GRM3: variants seen among roughly 807,000 people sequenced by gnomAD.
The protein encoded by GRM3 is glutamate metabotropic receptor 3, also known as metabotropic glutamate receptor 3.
A neutral mutation model predicts 70.5 loss-of-function variants in GRM3; 26 were observed. The observed-to-expected ratio is 0.37, with a 90% CI of 0.27 to 0.51. The LOEUF is 0.51. GRM3 is among the 20% of genes least tolerant of loss of function. The pLI is 0.93. For missense variants in GRM3, 859 were observed against 1,123.8 expected (o/e 0.76, Z 3.37); for synonymous variants, 443 against 434.9 (o/e 1.02, Z -0.23).
chr7:86,696,808 T>C (rs762400231), intron 1 of GRM3, among the ~76,000 whole-genome samples: 37 of 152,162 alleles, frequency 2.4e-4, no homozygotes, highest in Non-Finnish European at 4.9e-4. Context: ...TTCCCAACTC[T>C]GTGCTATGAG....
rs115120839 is a variant in GRM3, at chr7:86,670,544, C to A, written c.-141+25672C>A. The stretch of plus-strand genomic sequence containing the variant: ...TCCAATTGGTTCCATTTCCAAATGG[C>A]ATTTTGAATCCACTCCTCTTTTCAA... On this transcript the variant is annotated intron_variant, in intron 1 of 5. Transcript: ENST00000361669. Among the ~76,000 whole-genome samples the A allele has an allele frequency of 2.9e-3, 439 of 152,278 alleles. 3 individuals are homozygous for A. The highest frequency in any genetic ancestry group is 0.01 in the African/African-American group (425 of 41,558).
intron 2 of GRM3, 95 bp downstream of exon 2, chr7:86,765,708 G>A (rs1276602810): frequency 3.1e-5 from 29 of 938,446 alleles, no homozygotes; most frequent in East Asian, 1.6e-4. Flanking sequence ...CGTCATCAAC[G>A]GATTATATCA....
At chr7:86,780,562 C>T (rs1034047129) in intron 2 of GRM3, among the ~76,000 whole-genome samples, 1 of 152,158 alleles carries the variant, frequency 6.6e-6, no homozygotes, top group Non-Finnish European at 1.5e-5. Context: ...GTACATGCTA[C>T]ACATGGAAAG....
intron 5 of GRM3, among the ~76,000 whole-genome samples, chr7:86,852,690 C>A (rs1168579736): frequency 6.6e-6 from 1 of 152,084 alleles, no homozygotes; most frequent in Admixed American, 6.6e-5. Context: ...TACCATGTAA[C>A]AAAGTGAAGA....
chr7:86,848,560 A>G (rs1435093549), intron 4 of GRM3, among the ~76,000 whole-genome samples: 1 of 151,892 alleles, frequency 6.6e-6, no homozygotes, highest in East Asian at 1.9e-4. Context: ...GGAGATCTCT[A>G]TTTTGATTTG....
intron 3 of GRM3, among the ~76,000 whole-genome samples, chr7:86,827,992 G>A (rs1331615455): frequency 6.6e-6 from 1 of 151,722 alleles, no homozygotes; most frequent in Non-Finnish European, 1.5e-5. Flanking sequence ...GGCACCTGTA[G>A]TCCCAGGTAC....
intron 3 of GRM3, among the ~76,000 whole-genome samples, chr7:86,822,419 T>TACA (rs142538200): frequency 0.059 from 8,987 of 152,078 alleles, 371 homozygotes; most frequent in African/African-American, 0.11. Flanking sequence ...TCAGCTGAGA[T>TACA]ACAAGGGCAA....
At chr7:86,650,226 GCC>G (rs1793571578) in intron 1 of GRM3, among the ~76,000 whole-genome samples, 1 of 152,066 alleles carries the variant, frequency 6.6e-6, no homozygotes, top group Non-Finnish European at 1.5e-5. Context: ...GGAGATGGAG[GCC>G]CAGCAAGATA....
intron 2 of GRM3, among the ~76,000 whole-genome samples, chr7:86,773,528 C>T (rs1192682138): frequency 6.6e-6 from 1 of 152,042 alleles, no homozygotes; most frequent in Non-Finnish European, 1.5e-5. Flanking sequence ...CAACCACCCC[C>T]TCACATAGTC....
chr7:86,786,753 A>C lies in GRM3; in HGVS notation c.961A>C (p.Ile321Leu), dbSNP rs1468732372. 1.9e-6 allele frequency: 3 copies of C among 1,613,770 alleles called. No individual in the cohort carries two copies. In the African/African-American group the frequency reaches 4.0e-5, roughly 22 times the overall value. Residue 321 changes from isoleucine to leucine, a missense_variant, in exon 3 of 6, where the codon ATC becomes CTC. Ile to Leu is a conservative substitution (Grantham distance 5). Coordinates refer to ENST00000361669, the MANE Select transcript of GRM3 (RefSeq NM_000840.3). The surrounding 1 kb of genome is among the most constrained non-coding windows in gnomAD (Gnocchi z 6.0). ...CAGCGAGCATGTGGCCTACGGCGCCATCACCCTGGAGCTGGCCTCCCAGCC... is the reference window on the plus strand; with the variant it reads ...CAGCGAGCATGTGGCCTACGGCGCCCTCACCCTGGAGCTGGCCTCCCAGCC... ...KGSEHVAYGA[I>L]TLELASQPVR... is the part of the protein sequence containing the mutation.
intron 1 of GRM3, among the ~76,000 whole-genome samples, chr7:86,751,797 C>T (rs1287700069): frequency 6.6e-6 from 1 of 152,140 alleles, no homozygotes; most frequent in Non-Finnish European, 1.5e-5. Context: ...CCATCACTCA[C>T]TTGCAGTGAG....
At chr7:86,745,650 G>A (rs773476139) in intron 1 of GRM3, among the ~76,000 whole-genome samples, 48 of 152,190 alleles carry the variant, frequency 3.2e-4, no homozygotes, top group Admixed American at 5.9e-4. Flanking sequence ...GGCTTTTGGA[G>A]TGGAAAAATT....
intron 1 of GRM3, among the ~76,000 whole-genome samples, chr7:86,666,267 T>G (rs940159537): frequency 1.3e-5 from 2 of 152,006 alleles, no homozygotes; most frequent in African/African-American, 4.8e-5. Context: ...CTTTTCTCAA[T>G]ATTAACTTCG....
intron 3 of GRM3, among the ~76,000 whole-genome samples, chr7:86,827,005 A>G (rs1490587615): frequency 1.3e-5 from 2 of 152,258 alleles, no homozygotes; most frequent in Non-Finnish European, 2.9e-5. Flanking sequence ...CAATGTGTCC[A>G]GTGTTCCTTA....
At chr7:86,858,565 C>T (rs1389848049) in intron 5 of GRM3, among the ~76,000 whole-genome samples, 6 of 152,274 alleles carry the variant, frequency 3.9e-5, no homozygotes, top group South Asian at 4.1e-4. Context: ...CCTCACCAGA[C>T]GCCCAGTGCC....
rs146355187 is a variant in GRM3, at chr7:86,826,011, A to T, written c.1325-12828A>T. Among the ~76,000 whole-genome samples, 777 of 152,294 alleles carry T rather than the reference A, an allele frequency of 5.1e-3. 9 individuals are homozygous for T. The highest frequency in any genetic ancestry group is 0.034 in the Middle Eastern group (10 of 294). On this transcript the variant is annotated intron_variant, in intron 3 of 5. Coordinates refer to ENST00000361669, the MANE Select transcript of GRM3 (RefSeq NM_000840.3). ...AACAATGGGATGTTTATGCCTTTTT[A>T]AAAAAGTCATGGATATGCATTTCTA...
At chr7:86,706,015 T>C (rs913861410) in intron 1 of GRM3, among the ~76,000 whole-genome samples, 14 of 89,388 alleles carry the variant, frequency 1.6e-4, no homozygotes, top group African/African-American at 8.6e-4. Context: ...CTGTCTAGGA[T>C]GATAAAACTT....
At chr7:86,858,117 C>T (rs865970685) in intron 5 of GRM3, among the ~76,000 whole-genome samples, 18 of 151,886 alleles carry the variant, frequency 1.2e-4, no homozygotes, top group South Asian at 2.1e-4. Flanking sequence ...CCACCACGCA[C>T]GGCTAATTTT....
At chr7:86,760,943 A>T (rs769013435) in intron 1 of GRM3, among the ~76,000 whole-genome samples, 1 of 152,118 alleles carries the variant, frequency 6.6e-6, no homozygotes, top group Non-Finnish European at 1.5e-5. Context: ...TTTATATAAC[A>T]CATGTAGTAT....
Sources: allele counts gnomAD v4.1 joint callset (sites outside exome capture counted in the v4.1 genomes callset), GRCh38; gene constraint gnomAD v4.1.1; non-coding constraint Gnocchi (gnomAD v3.1); transcripts MANE v1.5; gene names NCBI Gene and HGNC (gene_info 2026-07-23, HGNC 2026-07-21).